Variants in RHCG observed in about 807,000 individuals in gnomAD.
RHCG encodes ammonium transporter Rh type C.
Under a neutral mutation model 55.3 loss-of-function variants are expected in RHCG, and 39 were observed. That is an observed-to-expected ratio of 0.70 (90% CI 0.55 to 0.92). RHCG has a LOEUF of 0.92. Among genes scored for constraint, RHCG ranks in the 40% least tolerant of loss-of-function variants. RHCG has a pLI of 0.00. For missense variants in RHCG, 635 were observed against 627.9 expected, an observed-to-expected ratio of 1.01 and a Z score of -0.12; for synonymous variants, 250 against 246.8, an observed-to-expected ratio of 1.01 and a Z score of -0.12.
chr15:89,490,507 T>G (rs1961454184), intron 1 of RHCG, among the ~76,000 whole-genome samples: 1 of 152,218 alleles, frequency 6.6e-6, no homozygotes, highest in Admixed American at 6.5e-5. Flanking sequence ...GTTTATCACA[T>G]TTCTAACTGT....
intron 5 of RHCG, among the ~76,000 whole-genome samples, chr15:89,478,271 T>C (rs1961194821): frequency 6.6e-6 from 1 of 152,252 alleles, no homozygotes; most frequent in Admixed American, 6.5e-5. Flanking sequence ...ACTGTTGTTT[T>C]ATGTATACCA....
At chr15:89,475,404 G>T (rs1184384874) in intron 9 of RHCG, among the ~76,000 whole-genome samples, 1 of 152,006 alleles carries the variant, frequency 6.6e-6, no homozygotes, top group African/African-American at 2.4e-5. Flanking sequence ...CACTGAGCCC[G>T]GCTAATTTTT....
chr15:89,493,163 A>T (rs1410281187), intron 1 of RHCG, among the ~76,000 whole-genome samples: 1 of 152,060 alleles, frequency 6.6e-6, no homozygotes, highest in African/African-American at 2.4e-5. Flanking sequence ...TTGAAACCAG[A>T]GCTTCCTCCG....
chr15:89,488,556 A>G (rs1211863552), intron 1 of RHCG, among the ~76,000 whole-genome samples: 1 of 152,200 alleles, frequency 6.6e-6, no homozygotes, highest in African/African-American at 2.4e-5. Context: ...CCTAGGTGGG[A>G]TTCTAGCTGA....
rs902854905 is a variant in RHCG at position 89,481,815 on chromosome 15, T to G, written c.522+1252A>C. ...TTTTTTTTTGTTTGTTTGTTTGTTT[T>G]TTTGAGATGGAGTTTTGCTCTTGTT... On this transcript the variant is annotated intron_variant, in intron 3 of 10. Transcript: ENST00000268122. Among the ~76,000 whole-genome samples, 37 of 152,206 alleles carry G rather than the reference T, an allele frequency of 2.4e-4. 1 individual carries two copies. The highest frequency in any genetic ancestry group is 7.2e-4 in the African/African-American group (30 of 41,456).
In RHCG at chr15:89,480,289, C is replaced by T. The variant is rs766301930; in HGVS notation, c.642G>A (p.Val214=). The change falls in exon 4 of 11, where the codon GTG becomes GTA. Residue 214 remains valine (V), a synonymous_variant. Coordinates refer to ENST00000268122, the MANE Select transcript of RHCG (RefSeq NM_016321.3). The part of the protein sequence containing the change: ...LEQSKERQNS[V]YQSDLFAMIG... Reference sequence around the variant, plus strand: ...TCATGGCAAAGAGGTCCGACTGGTACACAGAATTCTGTCTCTCCTTGCTCT... The same window carrying T: ...TCATGGCAAAGAGGTCCGACTGGTATACAGAATTCTGTCTCTCCTTGCTCT... 44 of 1,614,048 alleles carry T rather than the reference C, an allele frequency of 2.7e-5. No homozygotes were observed. In the South Asian group the frequency reaches 4.4e-4, roughly 16 times the overall value.
chr15:89,478,013 C>T, intron 5 of RHCG, 39 bp from the exon 6 acceptor site: 2 of 1,567,418 alleles, frequency 1.3e-6, no homozygotes, highest in South Asian at 1.2e-5. Context: ...ACTCAGTCCT[C>T]TCCCTGGAGC....
intron 5 of RHCG, among the ~76,000 whole-genome samples, chr15:89,478,983 C>G (rs1360182503): frequency 1.3e-5 from 2 of 151,998 alleles, no homozygotes; most frequent in Admixed American, 6.6e-5. Flanking sequence ...ACCTGCAGTC[C>G]CAGCTAGTTG....
chr15:89,496,464 C>G lies in RHCG; in HGVS notation c.81G>C (p.Gly27=). 1.2e-6 allele frequency: 2 copies of G among 1,614,018 alleles called. No homozygotes were observed. Among genetic ancestry groups the G allele is most frequent in the Non-Finnish European group, 1.7e-6 (2 of 1,179,954 alleles). The change falls in exon 1 of 11, where the codon GGG becomes GGC. Residue 27 remains glycine, a synonymous_variant. Transcript: ENST00000268122. ...CCTCGAAGTCGTAGCGCACGAACAC[C>G]CCGAAGAGAATCACCATAATCACCT... ...LLQVIMVILF[G]VFVRYDFEAD... is the part of the protein sequence containing the mutation.
In RHCG at chr15:89,476,766, C is replaced by T. The variant is rs1352826969; in HGVS notation, c.1300G>A (p.Val434Ile). ...PSDENCFEDA[V>I]YWEMPEGNST... is the part of the protein sequence containing the mutation. Reference sequence around the variant, plus strand: ...TCCCTGGAACTCACCTCCCAGTAGACCGCATCCTCAAAGCAGTTCTCATCT... The same window carrying T: ...TCCCTGGAACTCACCTCCCAGTAGATCGCATCCTCAAAGCAGTTCTCATCT... The change falls in exon 9 of 11, where the codon GTC becomes ATC. Residue 434 changes from valine (V) to isoleucine (I), a missense_variant. Transcript: ENST00000268122. The T allele has an allele frequency of 6.2e-7, 1 of 1,614,056 alleles. No individual in the cohort carries two copies. The highest frequency in any genetic ancestry group is 2.2e-5 in the East Asian group (1 of 44,876).
In RHCG at chr15:89,477,126, A is replaced by G. The variant is rs901111559; in HGVS notation, c.1193T>C (p.Leu398Pro). The G allele has an allele frequency of 6.2e-7, 1 of 1,613,954 alleles. No individual in the cohort carries two copies. Among genetic ancestry groups the G allele is most frequent in the African/African-American group, 1.3e-5 (1 of 74,886 alleles). Residue 398 changes from leucine to proline, a missense_variant, in exon 8 of 11, where the codon CTC becomes CCC. By Grantham distance (98) the Leu-to-Pro change is moderately conservative. Coordinates refer to ENST00000268122, the MANE Select transcript of RHCG (RefSeq NM_016321.3). This position sits in a 1 kb window ranked among gnomAD's most constrained non-coding sequence, Gnocchi z 4.5. ...CAGGGCCATGGCCAGGGTCACCAAG[A>G]GACCATAAATCTGGAACTTTCCCTG... ...RTQGKFQIYG[L>P]LVTLAMALMG...
rs74702062 is a variant in RHCG, at chr15:89,479,501, G to C, written c.671-13C>G. On this transcript the variant is annotated splice_polypyrimidine_tract_variant and intron_variant, in intron 4 of 10. Coordinates refer to ENST00000268122, the MANE Select transcript of RHCG (RefSeq NM_016321.3). Reference sequence around the variant, plus strand: ...AGGAAGAGGGTGCCTGGTCAGACCAGACAGGCCCAATGGGCCCGGGAGGAG... The same window carrying C: ...AGGAAGAGGGTGCCTGGTCAGACCACACAGGCCCAATGGGCCCGGGAGGAG... 1.9e-3 allele frequency: 3,026 copies of C among 1,605,654 alleles called. 51 individuals are homozygous for C. In the African/African-American group the frequency reaches 0.035, roughly 19 times the overall value.
Position 89,486,882 on chromosome 15 carries a change from T to C in RHCG, c.288A>G (p.Ala96=), listed in dbSNP as rs545400293. Residue 96 remains alanine (A), a synonymous_variant, in exon 2 of 11, where the codon GCA becomes GCG. Transcript: ENST00000268122. ...GCAGCGCCCACTGGATGCCGAAGGCTGCCAACAGGAAGTTGAAGCCCACGG... is the reference window on the plus strand; with the variant it reads ...GCAGCGCCCACTGGATGCCGAAGGCCGCCAACAGGAAGTTGAAGCCCACGG... ...FSAVGFNFLL[A]AFGIQWALLM... 1.1e-5 allele frequency: 17 copies of C among 1,612,840 alleles called. No homozygotes were observed. The South Asian group carries it at 1.8e-4, about 17-fold the overall frequency.
intron 1 of RHCG, among the ~76,000 whole-genome samples, chr15:89,492,269 C>T (rs1961490505): frequency 6.6e-6 from 1 of 152,200 alleles, no homozygotes; most frequent in South Asian, 2.1e-4. Context: ...GCTCCTGCTG[C>T]TTCCCTCTGT....
At chr15:89,483,525 T>C (rs11073870) in intron 2 of RHCG, among the ~76,000 whole-genome samples, 42,964 of 151,984 alleles carry the variant, frequency 0.28, 7,011 homozygotes, top group African/African-American at 0.45. Context: ...TTGTTGAACA[T>C]GCCCCATATT....
chr15:89,474,958 CTGCCTGCCTGCCTTCATTCA>C (rs1961113094), intron 9 of RHCG, among the ~76,000 whole-genome samples: 2 of 136,936 alleles, frequency 1.5e-5, no homozygotes, highest in African/African-American at 3.4e-5. Context: ...TCATTCATTC[CTGCCTGCCTGCCTTCATTCA>C]TTCCTGCCTG....
At chr15:89,494,764 T>A (rs1234975143) in intron 1 of RHCG, among the ~76,000 whole-genome samples, 1 of 151,858 alleles carries the variant, frequency 6.6e-6, no homozygotes, top group Non-Finnish European at 1.5e-5. Flanking sequence ...CACCTCAGCC[T>A]CCCAAAGTAT....
chr15:89,481,276 C>T (rs1961262106), intron 3 of RHCG, among the ~76,000 whole-genome samples: 1 of 152,096 alleles, frequency 6.6e-6, no homozygotes, highest in Admixed American at 6.5e-5. Context: ...ATGGCGAAAC[C>T]CCGTTTCTAT....
intron 5 of RHCG, among the ~76,000 whole-genome samples, chr15:89,478,695 G>A (rs1961204137): frequency 6.6e-6 from 1 of 152,146 alleles, no homozygotes. Flanking sequence ...TTCCCCAGGT[G>A]CCTGAATCCC....
Sources: allele counts gnomAD v4.1 joint callset (sites outside exome capture counted in the v4.1 genomes callset), GRCh38; gene constraint gnomAD v4.1.1; non-coding constraint Gnocchi (gnomAD v3.1); transcripts MANE v1.5; gene names NCBI Gene and HGNC (gene_info 2026-07-23, HGNC 2026-07-21).